The following ACBD6 variants were observed in gnomAD, a reference collection of about 807,000 sequenced individuals.
The protein encoded by ACBD6 is acyl-CoA binding domain containing 6.
A neutral mutation model predicts 37.2 loss-of-function variants in ACBD6; 28 were observed. The observed-to-expected ratio is 0.75, with a 90% CI of 0.56 to 1.03. The LOEUF (loss-of-function observed/expected upper bound fraction) is 1.03, where lower values mean the gene tolerates loss of function less well. Ranked by LOEUF, ACBD6 falls within the 50% of genes least tolerant of loss-of-function variation. The probability of loss-of-function intolerance (pLI) is 0.00; values close to 1 mark genes in which losing one functional copy is unlikely to be tolerated. For synonymous variants in ACBD6, 113 were observed against 126.8 expected, an observed-to-expected ratio of 0.89 and a Z score of 0.73; for missense variants, 340 against 337.4, an observed-to-expected ratio of 1.01 and a Z score of -0.06.
chr1:180,422,850 C>G (rs1335507244), intron 4 of ACBD6, among the ~76,000 whole-genome samples: 1 of 152,208 alleles, frequency 6.6e-6, no homozygotes, highest in Non-Finnish European at 1.5e-5. Context: ...TAAGTGGATA[C>G]TAGCAACACT....
At chr1:180,497,289 G>C (rs1229778912) in intron 1 of ACBD6, among the ~76,000 whole-genome samples, 1 of 152,078 alleles carries the variant, frequency 6.6e-6, no homozygotes, top group Non-Finnish European at 1.5e-5. Context: ...ATTATACATG[G>C]CCATCCAACT....
chr1:180,386,148 C>T (rs11484674), intron 6 of ACBD6, among the ~76,000 whole-genome samples: 1,717 of 152,184 alleles, frequency 0.011, 33 homozygotes, highest in African/African-American at 0.039. Context: ...CCAGCCTGGG[C>T]GACAGAGCTA....
At position 180,288,268 on chromosome 1, in the gene ACBD6, A is replaced by G; in HGVS notation, c.*95T>C. ...GAACTGATTTTATTAGCCAATACAT[A>G]CCAAAGACGGGTGGAAAAGAAGTAT... On this transcript the variant is annotated 3_prime_UTR_variant, in exon 8 of 8. Coordinates refer to ENST00000367595, the MANE Select transcript of ACBD6 (RefSeq NM_032360.4). 6 of 1,556,912 alleles carry G rather than the reference A, an allele frequency of 3.9e-6. No individual in the cohort carries two copies. The South Asian group carries it at 6.9e-5, about 18-fold the overall frequency.
At chr1:180,482,861 T>C (rs1489965410) in intron 3 of ACBD6, among the ~76,000 whole-genome samples, 4 of 152,182 alleles carry the variant, frequency 2.6e-5, no homozygotes, top group Admixed American at 2.6e-4. Flanking sequence ...ACTGAAAGTG[T>C]GTGAGTGTGT....
intron 6 of ACBD6, among the ~76,000 whole-genome samples, chr1:180,387,511 C>T (rs1027878216): frequency 1.3e-5 from 2 of 152,184 alleles, no homozygotes; most frequent in Non-Finnish European, 2.9e-5. Flanking sequence ...CCCATTTGGC[C>T]TCTTCTGGCA....
intron 2 of ACBD6, among the ~76,000 whole-genome samples, chr1:180,494,101 T>A (rs112349897): frequency 1.3e-5 from 2 of 152,160 alleles, no homozygotes; most frequent in Non-Finnish European, 2.9e-5. Context: ...AAATGGTGGG[T>A]CAGCCTGTAA....
downstream of ACBD6, among the ~76,000 whole-genome samples, chr1:180,284,506 A>C (rs1189434691): frequency 6.6e-6 from 1 of 151,914 alleles, no homozygotes; most frequent in Non-Finnish European, 1.5e-5. Flanking sequence ...TGGGACTTAC[A>C]GGCATGCGCC....
chr1:180,295,684 T>C (rs1649889597), intron 7 of ACBD6, among the ~76,000 whole-genome samples: 1 of 152,202 alleles, frequency 6.6e-6, no homozygotes. Flanking sequence ...GGATCTATGA[T>C]AAATGATCTT....
chr1:180,328,017 T>C (rs1298667228), intron 6 of ACBD6, among the ~76,000 whole-genome samples: 1 of 152,188 alleles, frequency 6.6e-6, no homozygotes, highest in African/African-American at 2.4e-5. Flanking sequence ...GCTTTTATTC[T>C]ACCAAATGAG....
intron 3 of ACBD6, among the ~76,000 whole-genome samples, chr1:180,443,257 C>G (rs1264571111): frequency 1.3e-5 from 2 of 152,280 alleles, no homozygotes; most frequent in East Asian, 3.9e-4. Flanking sequence ...CTTCTGAAGC[C>G]TCTACCATAT....
At chr1:180,357,364 A>C (rs956511616) in intron 6 of ACBD6, among the ~76,000 whole-genome samples, 1 of 152,218 alleles carries the variant, frequency 6.6e-6, no homozygotes, top group African/African-American at 2.4e-5. Flanking sequence ...AAATGGAATA[A>C]GTAAAGAAAC....
intron 5 of ACBD6, among the ~76,000 whole-genome samples, chr1:180,408,466 C>A (rs1647718641): frequency 6.6e-6 from 1 of 151,592 alleles, no homozygotes; most frequent in South Asian, 2.1e-4. Context: ...GGGAATTGAA[C>A]AATGAGAACA....
chr1:180,424,575 T>G (rs1240501605), intron 4 of ACBD6, among the ~76,000 whole-genome samples: 2 of 152,232 alleles, frequency 1.3e-5, no homozygotes, highest in Non-Finnish European at 2.9e-5. Flanking sequence ...TTCTCATTAC[T>G]GTAATGGATA....
intron 6 of ACBD6, among the ~76,000 whole-genome samples, chr1:180,387,106 G>A (rs1286469655): frequency 6.6e-6 from 1 of 152,096 alleles, no homozygotes; most frequent in Admixed American, 6.5e-5. Context: ...CATTTTCAGA[G>A]CCCTTACAGT....
At chr1:180,487,731 A>G (rs1651326877) in intron 3 of ACBD6, among the ~76,000 whole-genome samples, 1 of 152,208 alleles carries the variant, frequency 6.6e-6, no homozygotes, top group Non-Finnish European at 1.5e-5. Context: ...ACTAAGGTCT[A>G]TAGTAAGAAC....
intron 5 of ACBD6, among the ~76,000 whole-genome samples, chr1:180,400,545 T>C (rs1647309649): frequency 6.6e-6 from 1 of 152,194 alleles, no homozygotes; most frequent in South Asian, 2.1e-4. Context: ...AACATACTTG[T>C]AAATAAACAC....
In ACBD6 at chr1:180,419,018, G is replaced by A. The variant is rs745972065; in HGVS notation, c.468-5547C>T. 2.6e-5 allele frequency among the ~76,000 whole-genome samples: 4 copies of A among 152,348 alleles called. No individual in the cohort carries two copies. In the East Asian group the frequency reaches 5.8e-4, roughly 22 times the overall value. ...TGTAATCCCAGCACTTCGGGAGGCC[G>A]AGGCGGGTGGATCACGAGGTCAGGA... On this transcript the variant is annotated intron_variant, in intron 4 of 7. Coordinates refer to ENST00000367595, the MANE Select transcript of ACBD6 (RefSeq NM_032360.4).
rs182104037 is a variant in ACBD6 at position 180,464,982 on chromosome 1, T to C, written c.384+27287A>G. On this transcript the variant is annotated intron_variant, in intron 3 of 7. Transcript: ENST00000367595. ...GCTGGGATAACTGGCTAGCCATATA[T>C]AGAAGATTGAAGCTGAACCCCTTCC... 3.9e-5 allele frequency among the ~76,000 whole-genome samples: 6 copies of C among 152,218 alleles called. No individual in the cohort carries two copies. In the East Asian group the frequency reaches 7.7e-4, roughly 20 times the overall value.
chr1:180,394,374 G>A (rs1654183280), intron 6 of ACBD6, among the ~76,000 whole-genome samples: 1 of 151,146 alleles, frequency 6.6e-6, no homozygotes, highest in Admixed American at 6.6e-5. Context: ...ACAGGCATGA[G>A]CCATCACATC....
Sources: gnomAD v4.1 joint callset for allele counts (sites outside exome capture counted in the v4.1 genomes callset) on GRCh38, gnomAD v4.1.1 for gene constraint, MANE v1.5 for transcripts, NCBI Gene and HGNC (gene_info 2026-07-23, HGNC 2026-07-21) for gene names.